The following TMEM108 variants were observed in gnomAD, a reference collection of about 807,000 sequenced individuals.
TMEM108 encodes transmembrane protein 108.
A neutral mutation model predicts 35.1 loss-of-function variants in TMEM108; 12 were observed. The ratio of observed to expected loss-of-function variants is 0.34; its 90% confidence interval spans 0.22 to 0.55. The LOEUF (loss-of-function observed/expected upper bound fraction) is 0.55, where lower values mean the gene tolerates loss of function less well. TMEM108 is among the 20% of genes least tolerant of loss of function. The pLI is 0.89. For missense variants in TMEM108, 680 were observed against 753.3 expected (o/e 0.90, Z 1.14); for synonymous variants, 287 against 308.6 (o/e 0.93, Z 0.73).
chr3:133,308,561 TTAGTATGAAG>T (rs551593397), intron 3 of TMEM108, among the ~76,000 whole-genome samples: 104 of 152,232 alleles, frequency 6.8e-4, no homozygotes, highest in African/African-American at 2.5e-3. Context: ...TTGAGAGTTT[TTAGTATGAAG>T]GGCTGTTGAA....
At position 133,299,012 on chromosome 3, in the gene TMEM108, A is replaced by G. The variant is rs116024349; in HGVS notation, c.40+69661A>G. 2.5e-3 allele frequency among the ~76,000 whole-genome samples: 376 copies of G among 152,248 alleles called. 3 individuals carry two copies. Among genetic ancestry groups the G allele is most frequent in the African/African-American group, 8.5e-3 (355 of 41,544 alleles). On this transcript the variant is annotated intron_variant, in intron 3 of 5. Coordinates refer to ENST00000321871, the MANE Select transcript of TMEM108 (RefSeq NM_023943.4). ...GGGTGACAGTCTTACATGAATTCCC[A>G]TTGGGGAAATCTGAACTGTGGGGAG...
intron 2 of TMEM108, among the ~76,000 whole-genome samples, chr3:133,226,355 C>T (rs915034229): frequency 2.0e-5 from 3 of 152,192 alleles, no homozygotes; most frequent in Non-Finnish European, 2.9e-5. Context: ...ATGTAAATTT[C>T]CTCTACAAGA....
At chr3:133,113,802 G>GTA (rs1196696442) in intron 2 of TMEM108, among the ~76,000 whole-genome samples, 7 of 151,854 alleles carry the variant, frequency 4.6e-5, no homozygotes, top group Admixed American at 2.0e-4. Flanking sequence ...GTTTGACGAA[G>GTA]TATATATATA....
intron 4 of TMEM108, among the ~76,000 whole-genome samples, chr3:133,381,483 T>C (rs1005460697): frequency 3.9e-5 from 6 of 152,118 alleles, no homozygotes; most frequent in Non-Finnish European, 5.9e-5. Flanking sequence ...ATCCCAGAAT[T>C]AGTGAGAGGC....
chr3:133,192,218 T>TAAG (rs1228370266), intron 2 of TMEM108, among the ~76,000 whole-genome samples: 4 of 152,144 alleles, frequency 2.6e-5, no homozygotes, highest in Admixed American at 6.5e-5. Flanking sequence ...TCAGCTTGGG[T>TAAG]TATTGAAAGA....
At chr3:133,184,170 A>G (rs1194436540) in intron 2 of TMEM108, among the ~76,000 whole-genome samples, 4 of 152,174 alleles carry the variant, frequency 2.6e-5, no homozygotes, top group African/African-American at 7.2e-5. Context: ...AAATTATTAG[A>G]CCAAATTTGA....
At chr3:133,229,556 C>G (rs1946120880) in intron 3 of TMEM108, among the ~76,000 whole-genome samples, 1 of 152,130 alleles carries the variant, frequency 6.6e-6, no homozygotes, top group Non-Finnish European at 1.5e-5. Context: ...TCAGTTTTTC[C>G]TAAATTCCAA....
At chr3:133,086,501 A>G (rs781295329) in intron 2 of TMEM108, among the ~76,000 whole-genome samples, 4 of 152,136 alleles carry the variant, frequency 2.6e-5, no homozygotes, top group Non-Finnish European at 4.4e-5. Context: ...AAATATTTTT[A>G]TTGTTAAGTA....
At chr3:133,343,832 GA>G (rs911486502) in intron 3 of TMEM108, among the ~76,000 whole-genome samples, 74 of 151,622 alleles carry the variant, frequency 4.9e-4, no homozygotes, top group Non-Finnish European at 8.4e-4. Context: ...TATGCAAAAT[GA>G]AAAAAAATCA....
At chr3:133,338,984 A>T (rs2071583276) in intron 3 of TMEM108, among the ~76,000 whole-genome samples, 2 of 152,020 alleles carry the variant, frequency 1.3e-5, no homozygotes, top group South Asian at 4.1e-4. Context: ...CAAGAAATTA[A>T]ATAATAACAC....
intron 3 of TMEM108, among the ~76,000 whole-genome samples, chr3:133,314,742 A>T (rs1285745500): frequency 1.3e-5 from 2 of 152,186 alleles, no homozygotes; most frequent in South Asian, 2.1e-4. Flanking sequence ...TTTGCCCAAA[A>T]GTCTATGGGA....
chr3:133,116,741 A>C (rs1944292480), intron 2 of TMEM108, among the ~76,000 whole-genome samples: 1 of 152,170 alleles, frequency 6.6e-6, no homozygotes, highest in South Asian at 2.1e-4. Flanking sequence ...AGTGCATTCA[A>C]AGGAAAATAT....
intron 4 of TMEM108, chr3:133,388,451 T>C (rs2073186794): frequency 2.0e-6 from 2 of 985,314 alleles, no homozygotes; most frequent in African/African-American, 3.5e-5. Flanking sequence ...GCCCCTTTCC[T>C]CTTCAACCAT....
intron 2 of TMEM108, among the ~76,000 whole-genome samples, chr3:133,194,189 C>T (rs571924026): frequency 1.3e-5 from 2 of 152,288 alleles, no homozygotes; most frequent in African/African-American, 4.8e-5. Flanking sequence ...CCCGCCTCAG[C>T]CTCCCAAAGT....
intron 3 of TMEM108, among the ~76,000 whole-genome samples, chr3:133,377,296 A>T (rs1391862545): frequency 2.0e-5 from 3 of 152,250 alleles, no homozygotes; most frequent in Admixed American, 2.0e-4. Flanking sequence ...GGGAATGTCC[A>T]TCAAAACATG....
intron 2 of TMEM108, among the ~76,000 whole-genome samples, chr3:133,086,289 C>A (rs1042316095): frequency 6.6e-6 from 1 of 152,002 alleles, no homozygotes; most frequent in East Asian, 1.9e-4. Context: ...CTTAATCTCT[C>A]GAGCATTTGA....
chr3:133,158,471 A>G (rs1944913545), intron 2 of TMEM108, among the ~76,000 whole-genome samples: 2 of 150,910 alleles, frequency 1.3e-5, no homozygotes, highest in Non-Finnish European at 3.0e-5. Flanking sequence ...TGTCTAAAAA[A>G]AAAAAAAAAA....
intron 2 of TMEM108, among the ~76,000 whole-genome samples, chr3:133,178,680 A>C (rs1382151489): frequency 6.6e-6 from 1 of 152,232 alleles, no homozygotes; most frequent in African/African-American, 2.4e-5. Context: ...AAAGACTTAA[A>C]TGTTAGACCT....
chr3:133,396,502 T>C lies in TMEM108; in HGVS notation c.*516T>C, dbSNP rs766841712. 5 of 152,176 alleles carry C rather than the reference T, an allele frequency of 3.3e-5. No homozygotes were observed. The highest frequency in any genetic ancestry group is 1.2e-4 in the African/African-American group (5 of 41,408). The allele number at this position is 152,176 out of a possible 1,614,324, so 9.4% of individuals were successfully genotyped here. On this transcript the variant is annotated 3_prime_UTR_variant, in exon 6 of 6. Coordinates refer to ENST00000321871, the MANE Select transcript of TMEM108 (RefSeq NM_023943.4). Reference sequence around the variant, plus strand: ...GGGAACATCTCATCACCTCTGAGGATGAGTACCCTGGAGCCTTATGACGGC... The same window carrying C: ...GGGAACATCTCATCACCTCTGAGGACGAGTACCCTGGAGCCTTATGACGGC...
Sources: allele counts gnomAD v4.1 joint callset (sites outside exome capture counted in the v4.1 genomes callset), GRCh38; gene constraint gnomAD v4.1.1; transcripts MANE v1.5; gene names NCBI Gene and HGNC (gene_info 2026-07-23, HGNC 2026-07-21).